SORBS2: variants seen among roughly 807,000 people sequenced by gnomAD.
SORBS2 encodes the protein sorbin and SH3 domain-containing protein 2.
SORBS2 carries 46 observed loss-of-function variants against 97.7 expected under a neutral mutation model. The ratio of observed to expected loss-of-function variants is 0.47; its 90% CI spans 0.37 to 0.60. The LOEUF is 0.60. SORBS2 is among the 20% of genes least tolerant of loss of function. The probability of loss-of-function intolerance (pLI) is 0.00; values close to 1 mark genes in which losing one functional copy is unlikely to be tolerated. For missense variants in SORBS2, 1,316 were observed against 1,282.3 expected (o/e 1.03, Z -0.40); for synonymous variants, 476 against 473.4 (o/e 1.01, Z -0.07).
rs1183849260 is a variant in SORBS2 at position 185,812,882 on chromosome 4, T to C, written c.-337-37516A>G. The C allele has an allele frequency of 3.3e-5, 5 of 152,360 alleles. No homozygotes were observed. In the East Asian group the frequency reaches 9.6e-4, roughly 29 times the overall value. 9.4% of individuals were successfully genotyped at this position (152,360 alleles called of 1,614,324 possible). ...AATGATTCTTTAACTCAATCTTATT[T>C]GTAAATTAAAAATTCTTTTTAAAAA... On this transcript the variant is annotated intron_variant, in intron 1 of 20. Transcript: ENST00000284776.
intron 2 of SORBS2, among the ~76,000 whole-genome samples, chr4:185,701,782 T>TC (rs1218676312): frequency 6.6e-6 from 1 of 151,484 alleles, no homozygotes; most frequent in Admixed American, 6.6e-5. Flanking sequence ...TTTCTTTTTT[T>TC]TTTTTTTAGA....
chr4:185,849,517 T>G (rs915395548), intron 1 of SORBS2, among the ~76,000 whole-genome samples: 5 of 148,274 alleles, frequency 3.4e-5, no homozygotes, highest in Non-Finnish European at 7.4e-5. Flanking sequence ...CATTATAAAA[T>G]AAGTCCACTC....
At chr4:185,722,947 A>C (rs2098527118) in intron 2 of SORBS2, among the ~76,000 whole-genome samples, 1 of 152,182 alleles carries the variant, frequency 6.6e-6, no homozygotes, top group Non-Finnish European at 1.5e-5. Context: ...CTGAGAAATT[A>C]ATAAATCCCA....
At chr4:185,648,869 G>A (rs991680482) in intron 3 of SORBS2, among the ~76,000 whole-genome samples, 61 of 152,212 alleles carry the variant, frequency 4.0e-4, no homozygotes, top group Middle Eastern at 3.4e-3. Flanking sequence ...TGTAATGAGC[G>A]CTCAATGAAG....
intron 9 of SORBS2, among the ~76,000 whole-genome samples, chr4:185,617,616 A>C (rs9998171): frequency 0.43 from 65,780 of 151,924 alleles, 16,344 homozygotes; most frequent in African/African-American, 0.7. Context: ...CTACTGGAGA[A>C]CAAAGTTTCT....
chr4:185,840,648 T>C (rs2099210915), intron 1 of SORBS2, among the ~76,000 whole-genome samples: 1 of 152,190 alleles, frequency 6.6e-6, no homozygotes. Context: ...CTCTTTCAAA[T>C]ACAATTCGAT....
At chr4:185,899,278 T>C (rs2099246435) in intron 1 of SORBS2, among the ~76,000 whole-genome samples, 1 of 152,134 alleles carries the variant, frequency 6.6e-6, no homozygotes, top group Admixed American at 6.5e-5. Flanking sequence ...GGCTACTCCT[T>C]AGTCAGATGG....
chr4:185,692,247 C>T (rs1270195755), intron 2 of SORBS2, among the ~76,000 whole-genome samples: 1 of 152,170 alleles, frequency 6.6e-6, no homozygotes, highest in Non-Finnish European at 1.5e-5. Flanking sequence ...TGAGTATCCA[C>T]AAGAACCCCC....
chr4:185,688,453 T>C (rs994264723), intron 2 of SORBS2, among the ~76,000 whole-genome samples: 34 of 151,932 alleles, frequency 2.2e-4, no homozygotes, highest in African/African-American at 8.2e-4. Context: ...TTATCTGCAT[T>C]GTCTATCCAT....
At chr4:185,646,432 T>A (rs1296138973) in intron 4 of SORBS2, 3 of 317,874 alleles carry the variant, frequency 9.4e-6, no homozygotes, top group Non-Finnish European at 1.7e-5. Context: ...TATATATATA[T>A]AAATACACAC....
At chr4:185,873,072 G>T (rs1321248933) in intron 1 of SORBS2, among the ~76,000 whole-genome samples, 1 of 152,176 alleles carries the variant, frequency 6.6e-6, no homozygotes, top group Non-Finnish European at 1.5e-5. Context: ...AGAATAAAAT[G>T]ATAAATAAGG....
chr4:185,689,521 GTTTTGACTGTCTCCAGTATCCTCA>G (rs953403441), intron 2 of SORBS2, among the ~76,000 whole-genome samples: 1 of 152,212 alleles, frequency 6.6e-6, no homozygotes, highest in Non-Finnish European at 1.5e-5. Context: ...TTCCTTGTGT[GTTTTGACTGTCTCCAGTATCCTCA>G]TCTTGCCTGT....
rs993810385 is a variant in SORBS2, at chr4:185,846,160, C to G, written c.-337-70794G>C. ...CTGGAAACAACACAAATGTCCATCA[C>G]CTGGAGAGTGGATACAGAAACGATG... On this transcript the variant is annotated intron_variant, in intron 1 of 20. Coordinates refer to the SORBS2 transcript ENST00000284776. Among the ~76,000 whole-genome samples, 3 of 152,312 alleles carry G rather than the reference C, an allele frequency of 2.0e-5. No individual in the cohort carries two copies. The Middle Eastern group carries it at 0.01, about 518-fold the overall frequency.
chr4:185,724,801 A>G (rs1450686517), intron 2 of SORBS2, among the ~76,000 whole-genome samples: 1 of 152,150 alleles, frequency 6.6e-6, no homozygotes, highest in Non-Finnish European at 1.5e-5. Context: ...TTTTATTTAC[A>G]AAATTCTACC....
At chr4:185,790,412 C>T (rs756431027) in intron 1 of SORBS2, among the ~76,000 whole-genome samples, 12 of 152,156 alleles carry the variant, frequency 7.9e-5, no homozygotes, top group Non-Finnish European at 1.6e-4. Flanking sequence ...ACATGATAAC[C>T]ACCCTGGCTC....
intron 1 of SORBS2, among the ~76,000 whole-genome samples, chr4:185,953,289 G>A (rs1338866979): frequency 6.6e-6 from 1 of 152,184 alleles, no homozygotes; most frequent in Non-Finnish European, 1.5e-5. Flanking sequence ...ACTCCAGCCT[G>A]GGTGACAGAA....
At chr4:185,653,554 TA>T (rs1340963818) in intron 1 of SORBS2, among the ~76,000 whole-genome samples, 7 of 152,182 alleles carry the variant, frequency 4.6e-5, no homozygotes, top group Non-Finnish European at 8.8e-5. Context: ...TTCTCCTCTC[TA>T]AAGTGACATA....
At chr4:185,593,447 T>C (rs1469546456) in intron 13 of SORBS2, 1 of 161,042 alleles carries the variant, frequency 6.2e-6, no homozygotes, top group Non-Finnish European at 1.3e-5. Flanking sequence ...ATGACCCTTC[T>C]AAGCATGTAA....
intron 2 of SORBS2, among the ~76,000 whole-genome samples, chr4:185,732,578 G>A (rs761481825): frequency 6.6e-6 from 1 of 152,194 alleles, no homozygotes; most frequent in Non-Finnish European, 1.5e-5. Flanking sequence ...TGGGGCCCCT[G>A]CAGAGTGGGT....
Sources: gnomAD v4.1 joint callset for allele counts (sites outside exome capture counted in the v4.1 genomes callset) on GRCh38, gnomAD v4.1.1 for gene constraint, MANE v1.5 for transcripts, NCBI Gene and HGNC (gene_info 2026-07-23, HGNC 2026-07-21) for gene names.